MTA3: variants seen among roughly 807,000 people sequenced by gnomAD.
MTA3 encodes the protein metastasis associated 1 family member 3, also known as metastasis-associated protein MTA3.
In MTA3, 34 loss-of-function variants were observed where a neutral mutation model predicts 83.5. The ratio of observed to expected loss-of-function variants is 0.41; its 90% CI spans 0.31 to 0.54. MTA3 has a LOEUF of 0.54. Ranked by LOEUF, MTA3 falls within the 20% of genes least tolerant of loss-of-function variation. The pLI is 0.33. For missense variants in MTA3, 761 were observed against 726.4 expected, an observed-to-expected ratio of 1.05 and a Z score of -0.55; for synonymous variants, 303 against 252.7, an observed-to-expected ratio of 1.20 and a Z score of -1.89.
chr2:42,644,336 G>T, intron 6 of MTA3, 92 bp downstream of exon 6: 1 of 741,954 alleles, frequency 1.3e-6, no homozygotes, highest in South Asian at 2.0e-5. Context: ...CAATGTTCAG[G>T]GCAAAGTCTA....
intron 15 of MTA3, among the ~76,000 whole-genome samples, chr2:42,721,994 A>G (rs1206442631): frequency 6.6e-6 from 1 of 152,198 alleles, no homozygotes; most frequent in South Asian, 2.1e-4. Flanking sequence ...TAACAATTCC[A>G]ATGGCTTTTC....
intron 2 of MTA3, among the ~76,000 whole-genome samples, chr2:42,573,738 T>C (rs1022337497): frequency 3.3e-5 from 5 of 152,128 alleles, no homozygotes. Context: ...CTCAAACTCC[T>C]GACCTCAGGT....
At chr2:42,625,787 A>T (rs1370242523) in intron 4 of MTA3, among the ~76,000 whole-genome samples, 1 of 150,738 alleles carries the variant, frequency 6.6e-6, no homozygotes, top group Admixed American at 6.6e-5. Context: ...TGAACACAGT[A>T]TCCTCACCAG....
chr2:42,701,878 G>A (rs1203111087), intron 11 of MTA3, among the ~76,000 whole-genome samples: 1 of 150,912 alleles, frequency 6.6e-6, no homozygotes, highest in African/African-American at 2.4e-5. Flanking sequence ...TCACGCCACT[G>A]CACTCCAGCC....
At chr2:42,647,924 C>T (rs936735817) in intron 6 of MTA3, among the ~76,000 whole-genome samples, 4 of 152,214 alleles carry the variant, frequency 2.6e-5, no homozygotes, top group South Asian at 2.1e-4. Flanking sequence ...TTGCAACCTC[C>T]GCCTCCCAAG....
At chr2:42,682,293 A>T in intron 8 of MTA3, 108 bp from the exon 9 acceptor site, 1 of 732,258 alleles carries the variant, frequency 1.4e-6, no homozygotes, top group Non-Finnish European at 2.0e-6. Context: ...AAAAATAAAT[A>T]AGTATATTGT....
chr2:42,717,562 A>G (rs181741429), intron 14 of MTA3, among the ~76,000 whole-genome samples: 35 of 152,356 alleles, frequency 2.3e-4, no homozygotes, highest in Non-Finnish European at 4.6e-4. Flanking sequence ...ATGTCTTACA[A>G]TAGGGTATAA....
chr2:42,677,130 A>C (rs1237587378), intron 8 of MTA3, among the ~76,000 whole-genome samples: 1 of 152,186 alleles, frequency 6.6e-6, no homozygotes, highest in Admixed American at 6.5e-5. Flanking sequence ...ATAATCATAG[A>C]ACAATTATAA....
At chr2:42,618,898 A>C (rs1389311195) in intron 4 of MTA3, among the ~76,000 whole-genome samples, 1 of 152,204 alleles carries the variant, frequency 6.6e-6, no homozygotes, top group Non-Finnish European at 1.5e-5. Flanking sequence ...GGTGTGAGCC[A>C]GTGAGCCTGG....
At chr2:42,638,277 A>G (rs1687376354) in intron 4 of MTA3, among the ~76,000 whole-genome samples, 1 of 152,198 alleles carries the variant, frequency 6.6e-6, no homozygotes, top group African/African-American at 2.4e-5. Flanking sequence ...GTGTGAGCAC[A>G]TATTCACAGG....
chr2:42,663,996 T>C (rs1480499145), intron 8 of MTA3, among the ~76,000 whole-genome samples: 1 of 152,174 alleles, frequency 6.6e-6, no homozygotes, highest in Non-Finnish European at 1.5e-5. Flanking sequence ...TTGTCATGTT[T>C]GTATAGCTGG....
At chr2:42,558,274 T>C (rs1254299739) in intron 2 of MTA3, among the ~76,000 whole-genome samples, 3 of 146,748 alleles carry the variant, frequency 2.0e-5, no homozygotes, top group Non-Finnish European at 4.5e-5. Context: ...GGAGTTTCGC[T>C]CTTGGTACCC....
At chr2:42,709,121 C>G in intron 14 of MTA3, 25 bp downstream of exon 14, 1 of 1,560,572 alleles carries the variant, frequency 6.4e-7, no homozygotes, top group Non-Finnish European at 8.7e-7. Context: ...AATTCTTAAC[C>G]TTATATGTTG....
At chr2:42,714,850 A>G (rs1466822815) in intron 14 of MTA3, among the ~76,000 whole-genome samples, 1 of 152,122 alleles carries the variant, frequency 6.6e-6, no homozygotes, top group East Asian at 1.9e-4. Context: ...TAGCGCTCCT[A>G]TGAGAATCTA....
intron 2 of MTA3, among the ~76,000 whole-genome samples, chr2:42,529,384 C>T (rs959408504): frequency 1.3e-5 from 2 of 152,224 alleles, no homozygotes; most frequent in African/African-American, 4.8e-5. Flanking sequence ...TCACCAGCCC[C>T]TGGTCTTGGT....
intron 2 of MTA3, among the ~76,000 whole-genome samples, chr2:42,546,918 C>T (rs1163725476): frequency 1.3e-5 from 2 of 152,164 alleles, no homozygotes; most frequent in Non-Finnish European, 2.9e-5. Flanking sequence ...GAATGAGACA[C>T]TTGTCACAGG....
At chr2:42,603,126 G>A (rs932021619) in intron 3 of MTA3, among the ~76,000 whole-genome samples, 1 of 104,662 alleles carries the variant, frequency 9.6e-6, no homozygotes, top group East Asian at 2.7e-4. Context: ...TTTTTTTTTT[G>A]CTGGGGGTAG....
chr2:42,540,774 G>A (rs1676483071), intron 2 of MTA3, among the ~76,000 whole-genome samples: 1 of 151,188 alleles, frequency 6.6e-6, no homozygotes, highest in African/African-American at 2.4e-5. Flanking sequence ...GTTTGTGGTT[G>A]CAGTGAGCTG....
At chr2:42,669,783 T>C (rs1041726032) in intron 8 of MTA3, among the ~76,000 whole-genome samples, 1 of 152,216 alleles carries the variant, frequency 6.6e-6, no homozygotes, top group Non-Finnish European at 1.5e-5. Context: ...TTTTTCTTTT[T>C]TGGGGTAAAT....
Sources: gnomAD v4.1 joint callset for allele counts (sites outside exome capture counted in the v4.1 genomes callset) on GRCh38, gnomAD v4.1.1 for gene constraint, MANE v1.5 for transcripts, NCBI Gene and HGNC (gene_info 2026-07-23, HGNC 2026-07-21) for gene names.